The following ADAMDEC1 variants were observed in gnomAD, a reference collection of about 807,000 sequenced individuals.
ADAMDEC1 encodes ADAM DEC1.
Under a neutral mutation model 60.4 loss-of-function variants are expected in ADAMDEC1, and 62 were observed. The ratio of observed to expected loss-of-function variants is 1.03; its 90% CI spans 0.84 to 1.27. The LOEUF is 1.27. Among genes scored for constraint, ADAMDEC1 ranks in the 50% most tolerant of loss-of-function variants. ADAMDEC1 has a pLI of 0.00. For missense variants in ADAMDEC1, 595 were observed against 565.0 expected (o/e 1.05, Z -0.54); for synonymous variants, 210 against 195.1 (o/e 1.08, Z -0.64).
At chr8:24,400,145 A>C in intron 10 of ADAMDEC1, 25 bp from the exon 11 acceptor site, 1 of 1,494,086 alleles carries the variant, frequency 6.7e-7, no homozygotes, top group Non-Finnish European at 8.9e-7. Flanking sequence ...AAAAAAGAAT[A>C]AATAAATATA....
chr8:24,399,495 G>C (rs1338826489), intron 10 of ADAMDEC1, 21 bp downstream of exon 10: 1 of 1,588,550 alleles, frequency 6.3e-7, no homozygotes, highest in Non-Finnish European at 8.6e-7. Context: ...TTGTAGTAAG[G>C]CTCTCTGTGG....
intron 5 of ADAMDEC1, among the ~76,000 whole-genome samples, chr8:24,396,406 G>A (rs1157929532): frequency 3.3e-5 from 5 of 152,108 alleles, no homozygotes; most frequent in Admixed American, 2.0e-4. Context: ...CAGCTACTCC[G>A]GAGGCTGAGG....
intron 10 of ADAMDEC1, 142 bp downstream of exon 10, chr8:24,399,616 A>G: frequency 1.3e-6 from 1 of 748,748 alleles, no homozygotes; most frequent in South Asian, 1.6e-5. Flanking sequence ...AGGTCATTGC[A>G]CTGAAGATCC....
rs1817725808 is a variant in ADAMDEC1, at chr8:24,400,197, G to A, written c.1039G>A (p.Val347Ile). 6.2e-7 allele frequency: 1 copy of A among 1,602,542 alleles called. No individual in the cohort carries two copies. Among genetic ancestry groups the A allele is most frequent in the Non-Finnish European group, 8.5e-7 (1 of 1,175,374 alleles). The change falls in exon 11 of 14, where the codon GTA becomes ATA. Residue 347 changes from valine (V) to isoleucine (I), a missense_variant. Transcript: ENST00000256412. Reference sequence around the variant, plus strand: ...TAAAAAAAAGAATAATGTGGCTCTTGTAGGAGTGATGTCACATGAGCTGGG... The same window carrying A: ...TAAAAAAAAGAATAATGTGGCTCTTATAGGAGTGATGTCACATGAGCTGGG... ...EAKKKNNVAL[V>I]GVMSHELGHV...
At chr8:24,389,244 A>G (rs1298615434) in intron 1 of ADAMDEC1, among the ~76,000 whole-genome samples, 1 of 152,134 alleles carries the variant, frequency 6.6e-6, no homozygotes, top group South Asian at 2.1e-4. Flanking sequence ...CCTTTCCCAC[A>G]TATCTGTTCT....
Position 24,405,364 on chromosome 8 carries a change from C to A in ADAMDEC1, c.*66C>A, listed in dbSNP as rs1450215834. ...CAAGAACCAAGAACTCTAACTGTCCCAGGAATCTTGTGAATTTTCACCCAT... is the reference window on the plus strand; with the variant it reads ...CAAGAACCAAGAACTCTAACTGTCCAAGGAATCTTGTGAATTTTCACCCAT... On this transcript the variant is annotated 3_prime_UTR_variant, in exon 14 of 14. Coordinates refer to ENST00000256412, the MANE Select transcript of ADAMDEC1 (RefSeq NM_014479.3). 2.5e-6 allele frequency: 4 copies of A among 1,572,654 alleles called. No homozygotes were observed. The African/African-American group carries it at 5.4e-5, about 21-fold the overall frequency.
At chr8:24,388,610 A>G (rs1817357407) in intron 1 of ADAMDEC1, among the ~76,000 whole-genome samples, 1 of 152,182 alleles carries the variant, frequency 6.6e-6, no homozygotes, top group Non-Finnish European at 1.5e-5. Context: ...GGAATAGCCC[A>G]GGGCTCAGTG....
At chr8:24,386,512 T>C (rs1343814993) in intron 1 of ADAMDEC1, among the ~76,000 whole-genome samples, 1 of 152,216 alleles carries the variant, frequency 6.6e-6, no homozygotes, top group Non-Finnish European at 1.5e-5. Flanking sequence ...CTTGGCGTTC[T>C]GCCATATTCA....
rs145226384 is a variant in ADAMDEC1 at position 24,393,932 on chromosome 8, T to A, written c.285-137T>A. Reference sequence around the variant, plus strand: ...ATTTGCTTCAGCAACAGAGCTCCAATGTTGGAAGAGGATTAGTAGGTCAGA... The same window carrying A: ...ATTTGCTTCAGCAACAGAGCTCCAAAGTTGGAAGAGGATTAGTAGGTCAGA... On this transcript the variant is annotated intron_variant, in intron 3 of 13. Transcript: ENST00000256412. 1.3e-3 allele frequency: 608 copies of A among 475,620 alleles called. 4 individuals are homozygous for A. Among genetic ancestry groups the A allele is most frequent in the African/African-American group, 0.011 (564 of 50,988 alleles). 29.5% of individuals were successfully genotyped at this position (475,620 alleles called of 1,614,324 possible). A position where few individuals can be genotyped will look rare whatever the true frequency, so the allele number is the denominator to read the frequency against.
chr8:24,395,908 T>C (rs1399140116), intron 5 of ADAMDEC1, 112 bp downstream of exon 5: 9 of 754,786 alleles, frequency 1.2e-5, no homozygotes, highest in Non-Finnish European at 2.0e-5. Flanking sequence ...ATTGCTGAAA[T>C]GCTGAATATA....
At chr8:24,400,143 A>G in intron 10 of ADAMDEC1, 27 bp from the exon 11 acceptor site, 2 of 1,489,332 alleles carry the variant, frequency 1.3e-6, no homozygotes. Flanking sequence ...TAAAAAAAGA[A>G]TAAATAAATA....
intron 4 of ADAMDEC1, 114 bp downstream of exon 4, chr8:24,394,261 T>C: frequency 5.9e-6 from 4 of 678,948 alleles, no homozygotes; most frequent in South Asian, 3.5e-5. Flanking sequence ...CATAGGTCCA[T>C]GAACAGCTTC....
intron 1 of ADAMDEC1, chr8:24,390,042 C>T (rs540429982): frequency 9.5e-5 from 38 of 398,718 alleles, no homozygotes; most frequent in Admixed American, 5.3e-4. Flanking sequence ...TATAAACATA[C>T]ATAATATAAT....
In ADAMDEC1 at chr8:24,397,671, T is replaced by C. The variant is rs769360401; in HGVS notation, c.628-12T>C. The C allele has an allele frequency of 1.3e-5, 21 of 1,609,756 alleles. No individual in the cohort carries two copies. The East Asian group carries it at 2.5e-4, about 19-fold the overall frequency. Reference sequence around the variant, plus strand: ...GATAATGATTAACAATGTTCTTTTATTCTTTGTAAAGAAAGAAGACTTTCT... The same window carrying C: ...GATAATGATTAACAATGTTCTTTTACTCTTTGTAAAGAAAGAAGACTTTCT... On this transcript the variant is annotated splice_polypyrimidine_tract_variant and intron_variant, in intron 6 of 13. Transcript: ENST00000256412.
chr8:24,402,847 TC>T (rs1295933322), intron 12 of ADAMDEC1, among the ~76,000 whole-genome samples: 1 of 152,176 alleles, frequency 6.6e-6, no homozygotes, highest in Non-Finnish European at 1.5e-5. Flanking sequence ...CCTAACTTAG[TC>T]ATTTGTGAAG....
At chr8:24,398,233 T>C (rs1205369196) in intron 7 of ADAMDEC1, among the ~76,000 whole-genome samples, 1 of 151,978 alleles carries the variant, frequency 6.6e-6, no homozygotes, top group African/African-American at 2.4e-5. Context: ...AATTGTTAAT[T>C]TGATGTATTC....
chr8:24,403,491 T>C (rs900233176), intron 12 of ADAMDEC1, among the ~76,000 whole-genome samples: 1 of 152,120 alleles, frequency 6.6e-6, no homozygotes, highest in Admixed American at 6.6e-5. Context: ...CGTTACTGTT[T>C]TAGCTGCAAA....
Position 24,395,729 on chromosome 8 carries a change from T to C in ADAMDEC1, c.373T>C (p.Tyr125His). ...CTTTTTTCCACTCCAGGAACACTGT[T>C]ACTATAAAGGAAACATCCTAAATGA... The part of the protein sequence containing the change: ...TTKPENMEHC[Y>H]YKGNILNEKN... Residue 125 changes from tyrosine (Y) to histidine (H), a missense_variant, in exon 5 of 14, where the codon TAC becomes CAC. Coordinates refer to ENST00000256412, the MANE Select transcript of ADAMDEC1 (RefSeq NM_014479.3). The C allele has an allele frequency of 6.2e-7, 1 of 1,612,918 alleles. No homozygotes were observed.
intron 3 of ADAMDEC1, among the ~76,000 whole-genome samples, chr8:24,393,543 A>T (rs1038077102): frequency 6.6e-6 from 1 of 152,208 alleles, no homozygotes. Flanking sequence ...TATATAAATG[A>T]CTTTCTTCCT....
Sources: gnomAD v4.1 joint callset for allele counts (sites outside exome capture counted in the v4.1 genomes callset) on GRCh38, gnomAD v4.1.1 for gene constraint, MANE v1.5 for transcripts, NCBI Gene and HGNC (gene_info 2026-07-23, HGNC 2026-07-21) for gene names.